HTR2C: variants seen among roughly 807,000 people sequenced by gnomAD.
The protein encoded by HTR2C is 5-hydroxytryptamine (serotonin) receptor 2C, G protein-coupled.
HTR2C carries 5 observed loss-of-function variants against 21.0 expected under a neutral mutation model. The observed-to-expected ratio is 0.24, with a 90% CI of 0.12 to 0.50. The LOEUF is 0.50. Among genes scored for constraint, HTR2C ranks in the 20% least tolerant of loss-of-function variants. HTR2C has a pLI of 0.98. For missense variants in HTR2C, 271 were observed against 371.2 expected, an observed-to-expected ratio of 0.73 and a Z score of 2.22; for synonymous variants, 150 against 145.3, an observed-to-expected ratio of 1.03 and a Z score of -0.23.
intron 4 of HTR2C, among the ~76,000 whole-genome samples, chrX:114,784,597 C>T (rs1556441568): frequency 1.9e-5 from 2 of 107,590 alleles, no homozygotes; most frequent in Admixed American, 2.0e-4. Flanking sequence ...TTCACATGGC[C>T]TTCTTCTTGT....
chrX:114,812,104 C>A (rs1256351115), intron 4 of HTR2C, among the ~76,000 whole-genome samples: 1 of 108,968 alleles, frequency 9.2e-6, no homozygotes, highest in Non-Finnish European at 1.9e-5. Context: ...CCCCTACCCA[C>A]CCCCCACAAC....
Position 114,694,434 on chromosome X carries a change from AATAT to A in HTR2C, c.-79-32368_-79-32365del, listed in dbSNP as rs782501990. The stretch of plus-strand genomic sequence containing the variant: ...CTCTGTTCATTCTATTCCTCAACTA[AATAT>A]ATATATATATATATATATATATATA... On this transcript the variant is annotated intron_variant, in intron 2 of 5. Coordinates refer to ENST00000276198, the MANE Select transcript of HTR2C (RefSeq NM_000868.4). Among the ~76,000 whole-genome samples the A allele has an allele frequency of 1.1e-3, 103 of 91,720 alleles. 1 individual carries two copies. Among genetic ancestry groups the A allele is most frequent in the African/African-American group, 1.5e-3 (33 of 22,423 alleles). The allele number at this position is 91,720 out of a possible 115,157, so 79.6% of individuals were successfully genotyped here.
At chrX:114,601,861 G>T (rs1228736550) in intron 1 of HTR2C, among the ~76,000 whole-genome samples, 1 of 96,362 alleles carries the variant, frequency 1.0e-5, no homozygotes. Flanking sequence ...GATTAGGGGC[G>T]GCGTGGGAAC....
chrX:114,724,038 G>T (rs781810063), intron 2 of HTR2C, among the ~76,000 whole-genome samples: 1 of 102,477 alleles, frequency 9.8e-6, no homozygotes, highest in East Asian at 3.2e-4. Flanking sequence ...AGGTCCTCTT[G>T]GTGCAGAGCT....
intron 2 of HTR2C, among the ~76,000 whole-genome samples, chrX:114,717,293 G>T (rs1556419931): frequency 9.0e-6 from 1 of 111,426 alleles, no homozygotes; most frequent in East Asian, 2.8e-4. Flanking sequence ...GGCTGGTCTT[G>T]AACTCCTGAG....
intron 2 of HTR2C, among the ~76,000 whole-genome samples, chrX:114,721,698 G>A (rs1438022175): frequency 3.7e-5 from 4 of 109,521 alleles, no homozygotes; most frequent in Admixed American, 2.9e-4. Context: ...TTTTGTATAA[G>A]GTGTAAGGAA....
intron 4 of HTR2C, among the ~76,000 whole-genome samples, chrX:114,814,960 G>T (rs2070570962): frequency 1.0e-5 from 1 of 99,037 alleles, no homozygotes; most frequent in Non-Finnish European, 2.0e-5. Flanking sequence ...ATATATTATA[G>T]TATATATACA....
intron 5 of HTR2C, among the ~76,000 whole-genome samples, chrX:114,874,222 T>A (rs2071114417): frequency 9.0e-6 from 1 of 111,296 alleles, no homozygotes; most frequent in African/African-American, 3.3e-5. Flanking sequence ...CCTTGGTTAT[T>A]GTAAATAGTG....
chrX:114,805,924 T>C (rs1371161562), intron 4 of HTR2C, among the ~76,000 whole-genome samples: 2 of 85,030 alleles, frequency 2.4e-5, no homozygotes, highest in African/African-American at 8.8e-5. Context: ...CATATATATA[T>C]ACACCATATA....
chrX:114,896,074 G>A (rs926141473), intron 5 of HTR2C, among the ~76,000 whole-genome samples: 7 of 110,829 alleles, frequency 6.3e-5, no homozygotes, highest in Non-Finnish European at 3.8e-5. Flanking sequence ...ATTCTCAAAC[G>A]TTTTTCCAAT....
Position 114,628,405 on chromosome X carries a change from ATTTTTTTTT to A in HTR2C, c.-80+14541_-80+14549del, listed in dbSNP as rs35975864. On this transcript the variant is annotated intron_variant, in intron 2 of 5. Transcript: ENST00000276198. Reference sequence around the variant, plus strand: ...AGGCGTGCACCACCATGCCAGGCTAATTTTTTTTTTTTTTTTTTTTTTTTTGCATTTTTG... The same window carrying A: ...AGGCGTGCACCACCATGCCAGGCTAATTTTTTTTTTTTTTTTGCATTTTTG... 6.8e-4 allele frequency among the ~76,000 whole-genome samples: 30 copies of A among 43,888 alleles called. No individual in the cohort carries two copies. In the South Asian group the frequency reaches 0.059, roughly 86 times the overall value. 38.1% of individuals were successfully genotyped at this position (43,888 alleles called of 115,157 possible).
At chrX:114,854,820 C>T (rs1432459653) in intron 5 of HTR2C, among the ~76,000 whole-genome samples, 2 of 111,521 alleles carry the variant, frequency 1.8e-5, no homozygotes, top group African/African-American at 6.5e-5. Context: ...GCAAACTATA[C>T]ATCCAACAAG....
intron 2 of HTR2C, among the ~76,000 whole-genome samples, chrX:114,701,936 A>G (rs1316499357): frequency 2.2e-4 from 25 of 111,957 alleles, no homozygotes; most frequent in South Asian, 7.5e-4. Context: ...GAGCCGATGC[A>G]ATCAACTGGA....
chrX:114,751,179 A>C (rs2069757461), intron 4 of HTR2C, among the ~76,000 whole-genome samples: 1 of 111,794 alleles, frequency 8.9e-6, no homozygotes, highest in Non-Finnish European at 1.9e-5. Flanking sequence ...TCTCACAAAA[A>C]CATAACATTA....
At chrX:114,708,838 A>G (rs1331500999) in intron 2 of HTR2C, among the ~76,000 whole-genome samples, 1 of 110,861 alleles carries the variant, frequency 9.0e-6, no homozygotes, top group African/African-American at 3.3e-5. Flanking sequence ...TCAGCTTCAT[A>G]TTTAATGGAC....
At chrX:114,850,129 G>A (rs1021254694) in intron 5 of HTR2C, among the ~76,000 whole-genome samples, 1 of 111,341 alleles carries the variant, frequency 9.0e-6, no homozygotes, top group Middle Eastern at 4.7e-3. Context: ...AAAAACTAAG[G>A]GCCAGGCAGT....
Position 114,832,307 on chromosome X carries a change from G to A in HTR2C, c.350-15696G>A, listed in dbSNP as rs1302569374. Among the ~76,000 whole-genome samples the A allele has an allele frequency of 9.2e-5, 2 of 21,707 alleles. 1 individual carries two copies. The highest frequency in any genetic ancestry group is 1.8e-4 in the Non-Finnish European group (2 of 11,337). The allele number at this position is 21,707 out of a possible 115,157, so 18.8% of individuals were successfully genotyped here. ...CCTTGGGCAGTATGGCCATTTTCAC[G>A]ATATTGATTCTTCCTACCCATGAGC... On this transcript the variant is annotated intron_variant, in intron 4 of 5. Transcript: ENST00000276198.
At chrX:114,687,772 A>G (rs1203051848) in intron 2 of HTR2C, among the ~76,000 whole-genome samples, 1 of 111,738 alleles carries the variant, frequency 8.9e-6, no homozygotes, top group Non-Finnish European at 1.9e-5. Flanking sequence ...CTTAATACAC[A>G]ATTTATTTTG....
intron 2 of HTR2C, among the ~76,000 whole-genome samples, chrX:114,621,230 G>C (rs782508569): frequency 9.0e-6 from 1 of 111,475 alleles, no homozygotes; most frequent in East Asian, 2.8e-4. Flanking sequence ...GACTACACTT[G>C]GAGTCACAAG....
Sources: gnomAD v4.1 joint callset for allele counts (sites outside exome capture counted in the v4.1 genomes callset) on GRCh38, gnomAD v4.1.1 for gene constraint, MANE v1.5 for transcripts, NCBI Gene and HGNC (gene_info 2026-07-23, HGNC 2026-07-21) for gene names.